The following OSBPL10 variants were observed in gnomAD, a reference collection of about 807,000 sequenced individuals.
OSBPL10 encodes the protein oxysterol-binding protein-related protein 10.
OSBPL10 carries 49 observed loss-of-function variants against 81.7 expected under a neutral mutation model. The ratio of observed to expected loss-of-function variants is 0.60; its 90% CI spans 0.48 to 0.76. The LOEUF is 0.76. OSBPL10 is among the 30% of genes least tolerant of loss of function. OSBPL10 has a pLI of 0.00. For missense variants in OSBPL10, 923 were observed against 987.8 expected, an observed-to-expected ratio of 0.93 and a Z score of 0.88; for synonymous variants, 419 against 383.6, an observed-to-expected ratio of 1.09 and a Z score of -1.08.
At chr3:32,013,685 G>A (rs1334060639) in intron 2 of OSBPL10, among the ~76,000 whole-genome samples, 1 of 152,138 alleles carries the variant, frequency 6.6e-6, no homozygotes, top group Non-Finnish European at 1.5e-5. Context: ...CAACAAAATT[G>A]ATAGACTGCT....
intron 1 of OSBPL10, among the ~76,000 whole-genome samples, chr3:31,882,210 C>T (rs1427636796): frequency 1.3e-5 from 2 of 152,198 alleles, no homozygotes; most frequent in East Asian, 1.9e-4. Flanking sequence ...TCTAAGAAAT[C>T]GTCCACTTTG....
chr3:32,075,459 TA>T (rs1400528184), intron 1 of OSBPL10, among the ~76,000 whole-genome samples: 1 of 152,174 alleles, frequency 6.6e-6, no homozygotes, highest in African/African-American at 2.4e-5. Context: ...AATACCTTTT[TA>T]TCTCCTTCTT....
intron 10 of OSBPL10, among the ~76,000 whole-genome samples, chr3:31,666,991 T>C (rs778239196): frequency 3.9e-5 from 6 of 152,212 alleles, no homozygotes; most frequent in African/African-American, 7.2e-5. Flanking sequence ...TCTCTCTTAC[T>C]CTGGCACCAG....
chr3:31,972,607 A>G (rs1313630795), intron 1 of OSBPL10, among the ~76,000 whole-genome samples: 1 of 152,106 alleles, frequency 6.6e-6, no homozygotes, highest in Non-Finnish European at 1.5e-5. Context: ...CCCCAGTTCT[A>G]CCCACACATA....
intron 4 of OSBPL10, among the ~76,000 whole-genome samples, chr3:31,775,033 G>A (rs1301480104): frequency 2.6e-5 from 4 of 151,616 alleles, no homozygotes; most frequent in Non-Finnish European, 5.9e-5. Context: ...CGGGAATGGT[G>A]GCATGTGCCT....
At chr3:31,717,298 T>A (rs1331766830) in intron 6 of OSBPL10, 3 of 152,146 alleles carry the variant, frequency 2.0e-5, no homozygotes, top group African/African-American at 7.2e-5. Context: ...TGGATCATTA[T>A]CTTCTGACTC....
At chr3:32,041,581 G>A (rs983297517) in intron 2 of OSBPL10, among the ~76,000 whole-genome samples, 3 of 152,130 alleles carry the variant, frequency 2.0e-5, no homozygotes, top group South Asian at 2.1e-4. Flanking sequence ...ATCTGAGCTG[G>A]CCAACATTGA....
intron 4 of OSBPL10, among the ~76,000 whole-genome samples, chr3:31,806,263 G>C (rs144348661): frequency 0.011 from 1,712 of 152,272 alleles, 18 homozygotes; most frequent in South Asian, 0.014. Context: ...CATACCTCCT[G>C]GCTTTGCCAG....
chr3:31,951,867 T>C (rs937492851), intron 1 of OSBPL10, among the ~76,000 whole-genome samples: 2 of 152,088 alleles, frequency 1.3e-5, no homozygotes, highest in Non-Finnish European at 2.9e-5. Context: ...TTAAAACCCA[T>C]GCTTTAACAC....
intron 4 of OSBPL10, among the ~76,000 whole-genome samples, chr3:31,775,951 A>G (rs1268770496): frequency 6.6e-6 from 1 of 152,184 alleles, no homozygotes; most frequent in African/African-American, 2.4e-5. Context: ...ATGAATTCCA[A>G]GGAGCACAAT....
At chr3:31,732,856 C>G (rs1697021704) in intron 6 of OSBPL10, 1 of 245,246 alleles carries the variant, frequency 4.1e-6, no homozygotes, top group Non-Finnish European at 7.9e-6. Context: ...AGGAGTCGAG[C>G]ATGTGAGGCA....
intron 6 of OSBPL10, chr3:31,704,859 T>G (rs1329521704): frequency 1.3e-5 from 2 of 152,338 alleles, no homozygotes; most frequent in Non-Finnish European, 2.9e-5. Flanking sequence ...TGTCCCTGAC[T>G]TCTAGTAGCC....
intron 1 of OSBPL10, among the ~76,000 whole-genome samples, chr3:31,928,070 A>T (rs1697129548): frequency 6.6e-6 from 1 of 151,850 alleles, no homozygotes; most frequent in East Asian, 1.9e-4. Flanking sequence ...AGGTCATTAA[A>T]CTCCCGAGGG....
At chr3:31,973,789 C>A (rs1314196031) in intron 1 of OSBPL10, among the ~76,000 whole-genome samples, 1 of 152,214 alleles carries the variant, frequency 6.6e-6, no homozygotes, top group Non-Finnish European at 1.5e-5. Context: ...CAGGTTAGCA[C>A]TTTCTACATA....
chr3:32,042,951 G>A (rs1358618203), intron 2 of OSBPL10, among the ~76,000 whole-genome samples: 5 of 152,320 alleles, frequency 3.3e-5, no homozygotes, highest in South Asian at 2.1e-4. Context: ...AAGGGTCTAT[G>A]TTCAGCAGTG....
Position 31,702,445 on chromosome 3 carries a change from C to T in OSBPL10, c.1159G>A (p.Glu387Lys). The T allele has an allele frequency of 1.9e-6, 3 of 1,614,224 alleles. No homozygotes were observed. The highest frequency in any genetic ancestry group is 1.7e-6 in the Non-Finnish European group (2 of 1,180,020). The change falls in exon 7 of 12, where the codon GAG becomes AAG. Residue 387 changes from glutamate to lysine, a missense_variant. Around this residue, in one of 3 missense-constraint regions of OSBPL10, gnomAD observed 514 missense variants for 508.0 expected, o/e 1.01. Transcript: ENST00000396556. ...DEKSDNEDKE[E>K]TELGVMEDQR... is the part of the protein sequence containing the mutation. Reference sequence around the variant, plus strand: ...TCCTCCATGACGCCCAATTCCGTCTCTTCCTTATCTTCATTGTCACTTTTT... The same window carrying T: ...TCCTCCATGACGCCCAATTCCGTCTTTTCCTTATCTTCATTGTCACTTTTT...
At chr3:31,702,130 T>C (rs1695913647) in intron 7 of OSBPL10, among the ~76,000 whole-genome samples, 1 of 152,100 alleles carries the variant, frequency 6.6e-6, no homozygotes, top group Non-Finnish European at 1.5e-5. Flanking sequence ...TAGCAACAAC[T>C]CCTCCCAAGA....
At chr3:31,853,374 C>G (rs1440689773) in intron 3 of OSBPL10, among the ~76,000 whole-genome samples, 1 of 152,022 alleles carries the variant, frequency 6.6e-6, no homozygotes, top group East Asian at 1.9e-4. Flanking sequence ...ATCAAGGGGT[C>G]TGTGAAGGGC....
Position 32,075,419 on chromosome 3 carries a change from G to A in OSBPL10, n.185+1977C>T, listed in dbSNP as rs752633705. Among the ~76,000 whole-genome samples, 71 of 152,270 alleles carry A rather than the reference G, an allele frequency of 4.7e-4. 1 individual carries two copies. The highest frequency in any genetic ancestry group is 2.6e-4 in the Non-Finnish European group (18 of 68,016). On this transcript the variant is annotated intron_variant and non_coding_transcript_variant, in intron 1 of 3. Transcript: ENST00000479173. ...CCCCTTGGACACTCTTTAATTGGAT[G>A]TCCTGGGTACTCCCAACTCTTAGTC...
Sources: allele counts gnomAD v4.1 joint callset (sites outside exome capture counted in the v4.1 genomes callset), GRCh38; gene constraint gnomAD v4.1.1; regional missense constraint gnomAD v4.1.1; transcripts MANE v1.5; gene names NCBI Gene and HGNC (gene_info 2026-07-23, HGNC 2026-07-21).